IL34: variants seen among roughly 807,000 people sequenced by gnomAD.
The protein encoded by IL34 is interleukin 34.
IL34 carries 17 observed loss-of-function variants against 25.3 expected under a neutral mutation model. That is an observed-to-expected ratio of 0.67 (90% CI 0.46 to 1.01). The LOEUF (loss-of-function observed/expected upper bound fraction) is 1.01. Ranked by LOEUF, IL34 falls within the 50% of genes least tolerant of loss-of-function variation. The pLI is 0.00. For synonymous variants in IL34, 174 were observed against 140.9 expected (o/e 1.23, Z -1.66); for missense variants, 368 against 312.9 (o/e 1.18, Z -1.33).
Position 70,659,766 on chromosome 16 carries a change from C to G in IL34, c.538+13C>G. The G allele has an allele frequency of 1.3e-6, 2 of 1,586,130 alleles. No individual in the cohort carries two copies. The highest frequency in any genetic ancestry group is 1.7e-6 in the Non-Finnish European group (2 of 1,161,748). ...TACTGCTCCTGCTGTAAGGAGCTCT[C>G]AGGGGATGGCGCCTGGGGGTGGGAG... is the stretch of plus-strand genomic sequence containing the variant. On this transcript the variant is annotated intron_variant, in intron 5 of 5. Coordinates refer to ENST00000288098, the MANE Select transcript of IL34 (RefSeq NM_001393494.1).
chr16:70,610,607 G>A (rs2051076370), intron 1 of IL34, among the ~76,000 whole-genome samples: 2 of 152,234 alleles, frequency 1.3e-5, no homozygotes, highest in Non-Finnish European at 2.9e-5. Flanking sequence ...ATAATGTCGA[G>A]TGGCCAGTGC....
At chr16:70,621,863 G>C (rs948190015) in intron 1 of IL34, among the ~76,000 whole-genome samples, 1 of 151,906 alleles carries the variant, frequency 6.6e-6, no homozygotes, top group Non-Finnish European at 1.5e-5. Context: ...GCCAGGAGAA[G>C]GACTTTCACA....
chr16:70,633,377 C>T (rs562507667), intron 1 of IL34, among the ~76,000 whole-genome samples: 178 of 152,074 alleles, frequency 1.2e-3, no homozygotes, highest in Middle Eastern at 6.8e-3. Context: ...CCTCAGCCTC[C>T]TGAGTAGCTG....
At chr16:70,642,782 C>G (rs1567459743), upstream of IL34, among the ~76,000 whole-genome samples, 1 of 152,248 alleles carries the variant, frequency 6.6e-6, no homozygotes, top group South Asian at 2.1e-4. Flanking sequence ...TGAATGAACC[C>G]TGAAAACATG....
At chr16:70,649,873 A>T (rs1044745598) in intron 1 of IL34, among the ~76,000 whole-genome samples, 35 of 152,104 alleles carry the variant, frequency 2.3e-4, no homozygotes, top group African/African-American at 7.7e-4. Context: ...ATCTCAGCTC[A>T]CTGCATCCTC....
chr16:70,599,491 T>G (rs1188054433), intron 1 of IL34, among the ~76,000 whole-genome samples: 2 of 151,532 alleles, frequency 1.3e-5, no homozygotes, highest in Non-Finnish European at 2.9e-5. Context: ...AAAGTAGCTG[T>G]GACTACAGGC....
intron 1 of IL34, among the ~76,000 whole-genome samples, chr16:70,607,106 T>C (rs1046668488): frequency 6.6e-6 from 1 of 152,122 alleles, no homozygotes; most frequent in African/African-American, 2.4e-5. Flanking sequence ...TGTTTTCTTT[T>C]CTTTTCTTTT....
chr16:70,622,477 G>T (rs1450426069), intron 1 of IL34, among the ~76,000 whole-genome samples: 8 of 151,644 alleles, frequency 5.3e-5, no homozygotes, highest in Admixed American at 5.3e-4. Context: ...TGAGAGGCGG[G>T]CTAGTGGCTT....
chr16:70,618,530 G>C (rs987590848), intron 1 of IL34, among the ~76,000 whole-genome samples: 2 of 152,212 alleles, frequency 1.3e-5, no homozygotes, highest in South Asian at 4.1e-4. Context: ...TTGTGATTTT[G>C]AGGGCCTCTA....
chr16:70,604,680 A>G (rs1057006251), intron 1 of IL34, among the ~76,000 whole-genome samples: 65 of 152,226 alleles, frequency 4.3e-4, no homozygotes, highest in African/African-American at 1.4e-3. Flanking sequence ...CCAGGTCTAG[A>G]TTGGACTTAA....
chr16:70,636,706 C>T (rs2051656977), intron 1 of IL34, among the ~76,000 whole-genome samples: 1 of 151,786 alleles, frequency 6.6e-6, no homozygotes, highest in African/African-American at 2.4e-5. Flanking sequence ...GAGTTCGAGG[C>T]TGCAGTGAGC....
chr16:70,640,997 C>T (rs929620065), intron 1 of IL34, among the ~76,000 whole-genome samples: 8 of 151,952 alleles, frequency 5.3e-5, no homozygotes, highest in Non-Finnish European at 8.8e-5. Flanking sequence ...GTTGCCTGGG[C>T]GTGGTGGCTC....
intron 1 of IL34, among the ~76,000 whole-genome samples, chr16:70,612,943 T>G (rs2051112366): frequency 6.6e-6 from 1 of 152,166 alleles, no homozygotes; most frequent in African/African-American, 2.4e-5. Flanking sequence ...CAGCTAATTT[T>G]TATATGTTTA....
chr16:70,651,875 C>T (rs1461935699), intron 1 of IL34, among the ~76,000 whole-genome samples: 2 of 152,044 alleles, frequency 1.3e-5, no homozygotes, highest in African/African-American at 4.8e-5. Context: ...CCTGTAATCC[C>T]AGCACTTTGG....
chr16:70,647,186 T>G (rs2051958064), intron 1 of IL34, among the ~76,000 whole-genome samples: 1 of 152,200 alleles, frequency 6.6e-6, no homozygotes, highest in Non-Finnish European at 1.5e-5. Context: ...GGGTGGGCAG[T>G]TCTGGCTGGG....
At chr16:70,654,187 C>A (rs1431917134) in intron 1 of IL34, 13 of 192,554 alleles carry the variant, frequency 6.8e-5, no homozygotes, top group African/African-American at 3.0e-4. Context: ...GAAAACATAT[C>A]ACCCGGACAC....
intron 1 of IL34, among the ~76,000 whole-genome samples, chr16:70,583,044 G>A (rs945567604): frequency 6.6e-6 from 1 of 152,142 alleles, no homozygotes; most frequent in South Asian, 2.1e-4. Context: ...GTAGGGATAC[G>A]ATTTTGAAGA....
intron 1 of IL34, among the ~76,000 whole-genome samples, chr16:70,624,907 G>T (rs2051358198): frequency 1.3e-5 from 2 of 151,902 alleles, no homozygotes; most frequent in East Asian, 1.9e-4. Flanking sequence ...TGGGACTGAG[G>T]GGACAGGCGG....
At chr16:70,594,018 A>G (rs2050786609) in intron 1 of IL34, among the ~76,000 whole-genome samples, 1 of 152,196 alleles carries the variant, frequency 6.6e-6, no homozygotes, top group Admixed American at 6.5e-5. Context: ...ATACCACACT[A>G]TCTTGATTGC....
Sources: allele counts gnomAD v4.1 joint callset (sites outside exome capture counted in the v4.1 genomes callset), GRCh38; gene constraint gnomAD v4.1.1; transcripts MANE v1.5; gene names NCBI Gene and HGNC (gene_info 2026-07-23, HGNC 2026-07-21).